Variants in CA10 observed in about 807,000 individuals in gnomAD.
The protein encoded by CA10 is carbonic anhydrase 10 (inactive), also known as carbonic anhydrase-related protein 10.
CA10 carries 14 observed loss-of-function variants against 44.2 expected under a neutral mutation model. That is an observed-to-expected ratio of 0.32 (90% CI 0.21 to 0.50). CA10 has a LOEUF of 0.50. Among genes scored for constraint, CA10 ranks in the 20% least tolerant of loss-of-function variants. The probability of loss-of-function intolerance (pLI) is 0.99; values close to 1 mark genes in which losing one functional copy is unlikely to be tolerated. For synonymous variants in CA10, 159 were observed against 141.6 expected (o/e 1.12, Z -0.87); for missense variants, 350 against 409.7 (o/e 0.85, Z 1.26).
At chr17:51,783,445 T>G (rs1567838110) in intron 3 of CA10, among the ~76,000 whole-genome samples, 1 of 152,200 alleles carries the variant, frequency 6.6e-6, no homozygotes, top group Non-Finnish European at 1.5e-5. Flanking sequence ...CTGTCTACAT[T>G]ATACACATAA....
intron 4 of CA10, among the ~76,000 whole-genome samples, chr17:51,675,614 A>G (rs9895865): frequency 0.63 from 93,748 of 149,542 alleles, 29,537 homozygotes; most frequent in Admixed American, 0.72. Flanking sequence ...TACTCAGGAG[A>G]CTGAGGCAGG....
intron 4 of CA10, among the ~76,000 whole-genome samples, chr17:51,659,038 T>C (rs66469535): frequency 0.17 from 26,563 of 152,132 alleles, 2,516 homozygotes; most frequent in South Asian, 0.27. Flanking sequence ...GCAACTTGAC[T>C]GGGCAAAGGG....
At chr17:51,938,433 T>C (rs1982948769) in intron 2 of CA10, among the ~76,000 whole-genome samples, 1 of 152,066 alleles carries the variant, frequency 6.6e-6, no homozygotes, top group African/African-American at 2.4e-5. Context: ...CAGGGCACTC[T>C]GATGGGAGTC....
At chr17:51,877,718 C>G (rs1980141055) in intron 3 of CA10, among the ~76,000 whole-genome samples, 1 of 152,172 alleles carries the variant, frequency 6.6e-6, no homozygotes, top group Non-Finnish European at 1.5e-5. Context: ...ATTAGTATTA[C>G]TAAGTCATTT....
rs1912693670 is a variant in CA10 at position 51,633,648 on chromosome 17, C to T, written c.792G>A (p.Met264Ile). The T allele has an allele frequency of 2.5e-6, 4 of 1,612,722 alleles. No homozygotes were observed. The highest frequency in any genetic ancestry group is 3.4e-6 in the Non-Finnish European group (4 of 1,179,348). The change falls in exon 8 of 9, where the codon ATG (methionine) becomes ATA (isoleucine). Residue 264 changes from methionine (M) to isoleucine (I), a missense_variant and splice_region_variant. By Grantham distance (10) the Met-to-Ile change is conservative. Coordinates refer to ENST00000451037, the MANE Select transcript of CA10 (RefSeq NM_020178.5). ...TCTGGCTGAGCAGGCGCAAGGAATG[C>T]ATCTGAGGAGAGAGAAGTGGCCGTG... ...NKPVYITRMQ[M>I]HSLRLLSQNQ...
At chr17:51,772,338 G>A (rs1007490808) in intron 3 of CA10, among the ~76,000 whole-genome samples, 3 of 152,074 alleles carry the variant, frequency 2.0e-5, no homozygotes, top group African/African-American at 7.2e-5. Context: ...AAAGATATAT[G>A]CAAATAAATG....
intron 2 of CA10, among the ~76,000 whole-genome samples, chr17:52,010,589 T>C (rs1336686071): frequency 6.6e-6 from 1 of 151,706 alleles, no homozygotes; most frequent in Non-Finnish European, 1.5e-5. Flanking sequence ...CACAAAGGCA[T>C]AGAAGATACA....
chr17:52,032,075 T>A (rs1449665591), intron 2 of CA10, among the ~76,000 whole-genome samples: 1 of 152,042 alleles, frequency 6.6e-6, no homozygotes. Flanking sequence ...CCCAAGGAGG[T>A]CATATCAATG....
chr17:51,902,135 G>A (rs574849696), intron 3 of CA10, among the ~76,000 whole-genome samples: 67 of 152,152 alleles, frequency 4.4e-4, no homozygotes, highest in African/African-American at 1.4e-3. Flanking sequence ...ATAAACAGAC[G>A]ATGTGCAATT....
At chr17:51,872,235 G>A (rs1347037385) in intron 3 of CA10, among the ~76,000 whole-genome samples, 1 of 152,090 alleles carries the variant, frequency 6.6e-6, no homozygotes, top group African/African-American at 2.4e-5. Flanking sequence ...CAAAGAATAG[G>A]GTTTATTCCA....
At chr17:51,991,667 G>A (rs1186689095) in intron 2 of CA10, among the ~76,000 whole-genome samples, 1 of 152,034 alleles carries the variant, frequency 6.6e-6, no homozygotes, top group African/African-American at 2.4e-5. Flanking sequence ...AAATTAGCTG[G>A]GCGTGGTGGC....
intron 2 of CA10, among the ~76,000 whole-genome samples, chr17:52,044,027 T>G (rs942686773): frequency 2.0e-5 from 3 of 152,106 alleles, no homozygotes; most frequent in African/African-American, 7.2e-5. Flanking sequence ...GTTCTCTTAG[T>G]GTTCTTATTT....
chr17:51,668,116 T>A (rs888847416), intron 4 of CA10, among the ~76,000 whole-genome samples: 9 of 152,186 alleles, frequency 5.9e-5, no homozygotes, highest in African/African-American at 1.7e-4. Flanking sequence ...GGGCAAAGGT[T>A]GTTTCCAGTA....
chr17:51,742,011 TA>T (rs1405527183), intron 4 of CA10, among the ~76,000 whole-genome samples: 8 of 152,232 alleles, frequency 5.3e-5, no homozygotes, highest in African/African-American at 1.7e-4. Context: ...TTTAAAAATG[TA>T]AACCATTCTT....
At chr17:51,752,798 C>A (rs1001932905) in intron 3 of CA10, among the ~76,000 whole-genome samples, 3 of 151,958 alleles carry the variant, frequency 2.0e-5, no homozygotes, top group Non-Finnish European at 4.4e-5. Flanking sequence ...TGGTAGCAGG[C>A]ACCTGCAGCT....
intron 4 of CA10, among the ~76,000 whole-genome samples, chr17:51,695,459 T>A (rs1438346009): frequency 6.6e-6 from 1 of 152,168 alleles, no homozygotes; most frequent in Non-Finnish European, 1.5e-5. Flanking sequence ...TGTTCTTGAT[T>A]TGACTCTCAG....
At chr17:51,711,882 GC>G (rs1163833568) in intron 4 of CA10, among the ~76,000 whole-genome samples, 7 of 152,146 alleles carry the variant, frequency 4.6e-5, no homozygotes, top group Non-Finnish European at 8.8e-5. Flanking sequence ...TTAGCAGAGG[GC>G]AGTCCCCCAG....
chr17:51,732,016 G>T (rs554098965), intron 4 of CA10, among the ~76,000 whole-genome samples: 1 of 150,026 alleles, frequency 6.7e-6, no homozygotes, highest in African/African-American at 2.4e-5. Context: ...GCCCTTTGAG[G>T]TTGACATCAT....
chr17:51,913,247 C>T (rs879438235), intron 3 of CA10, among the ~76,000 whole-genome samples: 11 of 152,122 alleles, frequency 7.2e-5, no homozygotes, highest in Non-Finnish European at 1.5e-4. Context: ...GCAAAGGAAA[C>T]TTTGGAACTG....
Sources: allele counts gnomAD v4.1 joint callset (sites outside exome capture counted in the v4.1 genomes callset), GRCh38; gene constraint gnomAD v4.1.1; transcripts MANE v1.5; gene names NCBI Gene and HGNC (gene_info 2026-07-23, HGNC 2026-07-21).